SGCD: variants seen among roughly 807,000 people sequenced by gnomAD.
SGCD encodes sarcoglycan delta.
Under a neutral mutation model 36.6 loss-of-function variants are expected in SGCD, and 18 were observed. The ratio of observed to expected loss-of-function variants is 0.49; its 90% confidence interval spans 0.34 to 0.73. The LOEUF (loss-of-function observed/expected upper bound fraction) is 0.73. Ranked by LOEUF, SGCD falls within the 30% of genes least tolerant of loss-of-function variation. The probability of loss-of-function intolerance (pLI) is 0.01; values close to 1 mark genes in which losing one functional copy is unlikely to be tolerated. For missense variants in SGCD, 387 were observed against 346.7 expected, an observed-to-expected ratio of 1.12 and a Z score of -0.92; for synonymous variants, 133 against 130.6, an observed-to-expected ratio of 1.02 and a Z score of -0.12.
At chr5:156,094,609 G>T (rs1267287222) in intron 1 of SGCD, among the ~76,000 whole-genome samples, 2 of 152,142 alleles carry the variant, frequency 1.3e-5, no homozygotes, top group African/African-American at 4.8e-5. Context: ...CAGTATTACA[G>T]TAACAAATCA....
chr5:156,166,446 A>C (rs2127620262), intron 3 of SGCD, among the ~76,000 whole-genome samples: 1 of 152,184 alleles, frequency 6.6e-6, no homozygotes, highest in South Asian at 2.1e-4. Flanking sequence ...CCTCCCGAGT[A>C]GCTGGGACTA....
rs116425118 is a variant in SGCD, at chr5:156,030,957, C to A, written c.-281-86921C>A. Reference sequence around the variant, plus strand: ...GTGAAAAAAAGTAGTGGAAAATGAGCCTGAAAAAGTAGATTGGTGCTAGAC... The same window carrying A: ...GTGAAAAAAAGTAGTGGAAAATGAGACTGAAAAAGTAGATTGGTGCTAGAC... On this transcript the variant is annotated intron_variant, in intron 1 of 9. Coordinates refer to the SGCD transcript ENST00000517913. Among the ~76,000 whole-genome samples the A allele has an allele frequency of 5.5e-3, 841 of 152,172 alleles. 6 individuals are homozygous for A. Among genetic ancestry groups the A allele is most frequent in the African/African-American group, 0.019 (809 of 41,502 alleles).
intron 3 of SGCD, among the ~76,000 whole-genome samples, chr5:156,498,744 T>C (rs1052683443): frequency 9.2e-5 from 14 of 152,176 alleles, no homozygotes; most frequent in African/African-American, 3.1e-4. Flanking sequence ...TGTATAAGTG[T>C]TTGTGTGAAC....
intron 1 of SGCD, among the ~76,000 whole-genome samples, chr5:155,965,468 C>A (rs1437481530): frequency 6.6e-6 from 1 of 152,100 alleles, no homozygotes; most frequent in East Asian, 1.9e-4. Context: ...CACTTTAATT[C>A]TTTGCATTAC....
intron 7 of SGCD, among the ~76,000 whole-genome samples, chr5:156,737,855 A>G (rs1756453904): frequency 6.6e-6 from 1 of 152,186 alleles, no homozygotes; most frequent in Non-Finnish European, 1.5e-5. Flanking sequence ...CTCATTGTAT[A>G]CAGGAGAATG....
At chr5:156,139,771 G>T (rs995902958) in intron 3 of SGCD, among the ~76,000 whole-genome samples, 3 of 152,184 alleles carry the variant, frequency 2.0e-5, no homozygotes, top group African/African-American at 7.2e-5. Context: ...GAAAAACATA[G>T]TTGCTATGGT....
chr5:156,579,667 T>C (rs1035450820), intron 4 of SGCD, among the ~76,000 whole-genome samples: 1 of 152,244 alleles, frequency 6.6e-6, no homozygotes, highest in Non-Finnish European at 1.5e-5. Context: ...CATTATGTAA[T>C]GACCTTCTTT....
chr5:156,389,950 G>A (rs1441493093), intron 3 of SGCD, among the ~76,000 whole-genome samples: 10 of 152,178 alleles, frequency 6.6e-5, no homozygotes, highest in African/African-American at 2.4e-4. Flanking sequence ...GATAATGGGG[G>A]TTCGATAAGA....
intron 3 of SGCD, among the ~76,000 whole-genome samples, chr5:156,208,467 C>T (rs560213057): frequency 6.6e-6 from 1 of 152,314 alleles, no homozygotes; most frequent in Admixed American, 6.5e-5. Flanking sequence ...ATTAGAAGCA[C>T]TTATGATTCA....
At chr5:156,290,663 A>G (rs1766735510) in intron 3 of SGCD, among the ~76,000 whole-genome samples, 1 of 152,208 alleles carries the variant, frequency 6.6e-6, no homozygotes, top group Non-Finnish European at 1.5e-5. Context: ...GTTAGATTTT[A>G]CATAAAGCAG....
chr5:156,579,371 A>C (rs1760138071), intron 4 of SGCD, among the ~76,000 whole-genome samples: 1 of 152,220 alleles, frequency 6.6e-6, no homozygotes, highest in African/African-American at 2.4e-5. Flanking sequence ...TGTGGTCCTG[A>C]GAAGAATGTA....
At position 156,457,957 on chromosome 5, in the gene SGCD, A is replaced by G. The variant is rs117639292; in HGVS notation, c.193-50644A>G. 9.6e-3 allele frequency among the ~76,000 whole-genome samples: 1,454 copies of G among 152,186 alleles called. 14 individuals carry two copies. Among genetic ancestry groups the G allele is most frequent in the East Asian group, 0.059 (303 of 5,170 alleles). ...GTTTAGGACCTTTCCCAGCTATGCT[A>G]TGTCTTCCAGAGCCACTGATGTGGG... On this transcript the variant is annotated intron_variant, in intron 3 of 8. Transcript: ENST00000337851.
rs550552562 is a variant in SGCD at position 156,316,015 on chromosome 5, A to G, written c.-43-13519A>G. ...AAACATAAAAGTCATCCAAATCAGA[A>G]AGGAAGAAGTAGAACTGTCTCTGTT... is the stretch of plus-strand genomic sequence containing the variant. On this transcript the variant is annotated intron_variant, in intron 3 of 9. Coordinates refer to the SGCD transcript ENST00000517913. Among the ~76,000 whole-genome samples the G allele has an allele frequency of 9.2e-5, 14 of 152,156 alleles. No individual in the cohort carries two copies. The South Asian group carries it at 2.7e-3, about 29-fold the overall frequency.
chr5:156,272,571 C>T (rs1401313624), intron 3 of SGCD, among the ~76,000 whole-genome samples: 1 of 152,158 alleles, frequency 6.6e-6, no homozygotes, highest in East Asian at 1.9e-4. Flanking sequence ...ATGAGATCCG[C>T]GTTATGACAA....
intron 1 of SGCD, among the ~76,000 whole-genome samples, chr5:155,971,697 C>T (rs1375829462): frequency 6.6e-6 from 1 of 151,952 alleles, no homozygotes; most frequent in East Asian, 1.9e-4. Flanking sequence ...TATAATATTA[C>T]CTGGGAATTG....
At chr5:156,311,941 A>C (rs1767399815) in intron 3 of SGCD, among the ~76,000 whole-genome samples, 1 of 152,080 alleles carries the variant, frequency 6.6e-6, no homozygotes, top group Admixed American at 6.6e-5. Flanking sequence ...TTTTTTCTTG[A>C]GAGCCAGTGT....
chr5:156,146,074 G>T (rs763514040), intron 3 of SGCD, among the ~76,000 whole-genome samples: 2 of 152,204 alleles, frequency 1.3e-5, no homozygotes, highest in Non-Finnish European at 2.9e-5. Flanking sequence ...TTAGCTGGGC[G>T]TAGTTGTGGG....
At chr5:155,811,505 A>G in the SGCD span, among the ~76,000 whole-genome samples, 1 of 152,228 alleles carries the variant, frequency 6.6e-6, no homozygotes, top group Non-Finnish European at 1.5e-5. Context: ...TCTTGCTGTG[A>G]TAATTTTGTA....
chr5:156,556,034 G>A (rs1328143760), intron 4 of SGCD, among the ~76,000 whole-genome samples: 1 of 149,774 alleles, frequency 6.7e-6, no homozygotes, highest in African/African-American at 2.5e-5. Flanking sequence ...TTTCAACTTG[G>A]TCATCTCATA....
Sources: allele counts gnomAD v4.1 joint callset (sites outside exome capture counted in the v4.1 genomes callset), GRCh38; gene constraint gnomAD v4.1.1; transcripts MANE v1.5; gene names NCBI Gene and HGNC (gene_info 2026-07-23, HGNC 2026-07-21).